The following DNAH17 variants were observed in gnomAD, a reference collection of about 807,000 sequenced individuals.
DNAH17 encodes dynein axonemal heavy chain 17.
A neutral mutation model predicts 485.6 loss-of-function variants in DNAH17; 376 were observed. That is an observed-to-expected ratio of 0.77 (90% confidence interval 0.71 to 0.84). The LOEUF (loss-of-function observed/expected upper bound fraction) is 0.84. DNAH17 is among the 40% of genes least tolerant of loss of function. The pLI, the probability that DNAH17 is intolerant of heterozygous loss-of-function variation, is 0.00. For missense variants in DNAH17, 6,370 were observed against 5,839.3 expected, an observed-to-expected ratio of 1.09 and a Z score of -2.96; for synonymous variants, 3,031 against 2,405.9, an observed-to-expected ratio of 1.26 and a Z score of -7.60.
intron 78 of DNAH17, 146 bp downstream of exon 78, chr17:78,426,780 C>A: frequency 7.8e-7 from 1 of 1,283,952 alleles, no homozygotes; most frequent in South Asian, 1.4e-5. Context: ...GCTCCCGGGG[C>A]TTGTTCTGGA....
intron 33 of DNAH17, chr17:78,502,293 A>G (rs2090324360): frequency 8.6e-6 from 3 of 350,710 alleles, no homozygotes; most frequent in South Asian, 4.7e-5. Context: ...TTTTGTTTCC[A>G]TATTTCTAAC....
chr17:78,450,879 C>G lies in DNAH17; in HGVS notation c.10735-33G>C, dbSNP rs374706225. 3.7e-6 allele frequency: 6 copies of G among 1,607,446 alleles called. No homozygotes were observed. The African/African-American group carries it at 8.0e-5, about 21-fold the overall frequency. ...GGGAGGTGCAGGAGTCACTGCATTGCCTGGCTCTGTCCACCGGGCACCCGG... is the reference window on the plus strand; with the variant it reads ...GGGAGGTGCAGGAGTCACTGCATTGGCTGGCTCTGTCCACCGGGCACCCGG... On this transcript the variant is annotated intron_variant, in intron 66 of 80. Transcript: ENST00000389840.
Position 78,470,683 on chromosome 17 carries a change from C to T in DNAH17, c.8512-1800G>A, listed in dbSNP as rs138538063. On this transcript the variant is annotated intron_variant, in intron 54 of 80. Transcript: ENST00000389840. ...CAGTCTGGGCAACAGAGTGAGACTC[C>T]GTCTCAAAGAAAAGAAATAAGTAAC... 8.4e-4 allele frequency among the ~76,000 whole-genome samples: 128 copies of T among 152,140 alleles called. 1 individual carries two copies. The East Asian group carries it at 0.021, about 25-fold the overall frequency.
chr17:78,494,265 A>G (rs1598579665), intron 40 of DNAH17, 92 bp from the exon 41 acceptor site: 1 of 1,508,926 alleles, frequency 6.6e-7, no homozygotes, highest in East Asian at 2.3e-5. Flanking sequence ...CCCGTGGGGG[A>G]GATGATAAAG....
intron 56 of DNAH17, among the ~76,000 whole-genome samples, chr17:78,464,658 C>G (rs1210495657): frequency 6.6e-6 from 1 of 152,250 alleles, no homozygotes; most frequent in Non-Finnish European, 1.5e-5. Context: ...CTTGTGTATA[C>G]TTATTCCAGC....
At position 78,502,951 on chromosome 17, in the gene DNAH17, G is replaced by C; in HGVS notation, c.5017C>G (p.Pro1673Ala). ...TCTTCGTAGGTCACCACGGCCTCTG[G>C]GATTTCGTGCCGGAGGGTAGAGCAC... ...RMCSTLRHEI[P>A]EAVVTYEEKP... The change falls in exon 32 of 81, where the codon CCA becomes GCA. Residue 1673 changes from proline (P) to alanine (A), a missense_variant. Coordinates refer to ENST00000389840, the MANE Select transcript of DNAH17 (RefSeq NM_173628.4). 1 of 1,613,926 alleles carries C rather than the reference G, an allele frequency of 6.2e-7. No individual in the cohort carries two copies. Among genetic ancestry groups the C allele is most frequent in the South Asian group, 1.1e-5 (1 of 91,066 alleles).
At chr17:78,574,688 CG>C (rs772530292) in intron 2 of DNAH17, 24 bp downstream of exon 2, 1 of 1,570,442 alleles carries the variant, frequency 6.4e-7, no homozygotes, top group Admixed American at 1.8e-5. Flanking sequence ...CTCGACACCC[CG>C]GATGGCAGCC....
chr17:78,432,010 G>GAACAA (rs960840786), intron 75 of DNAH17, among the ~76,000 whole-genome samples: 11 of 151,734 alleles, frequency 7.2e-5, no homozygotes, highest in African/African-American at 2.4e-4. Flanking sequence ...CGTCTTTACA[G>GAACAA]AACAAAACAA....
chr17:78,446,653 T>A (rs1303343690), intron 69 of DNAH17, among the ~76,000 whole-genome samples: 1 of 152,196 alleles, frequency 6.6e-6, no homozygotes, highest in Non-Finnish European at 1.5e-5. Context: ...TATTATTATT[T>A]ATTTTTTTGA....
Position 78,478,728 on chromosome 17 carries a change from TCAC to T in DNAH17, c.7992+294_7992+296del, listed in dbSNP as rs1213810963. 76 of 365,054 alleles carry T rather than the reference TCAC, an allele frequency of 2.1e-4. 1 individual carries two copies. The highest frequency in any genetic ancestry group is 1.4e-3 in the Middle Eastern group (2 of 1,416). The allele number at this position is 365,054 out of a possible 1,614,324, so 22.6% of individuals were successfully genotyped here. On this transcript the variant is annotated intron_variant, in intron 51 of 80. Coordinates refer to ENST00000389840, the MANE Select transcript of DNAH17 (RefSeq NM_173628.4). ...ACCATCACCACCACTATTGCCATCATCACCACCATCATCACCATCACCACCATC... is the reference window on the plus strand; with the variant it reads ...ACCATCACCACCACTATTGCCATCATCACCATCATCACCATCACCACCATC...
chr17:78,542,394 C>T (rs2091620095), intron 17 of DNAH17, among the ~76,000 whole-genome samples: 1 of 152,104 alleles, frequency 6.6e-6, no homozygotes, highest in Non-Finnish European at 1.5e-5. Flanking sequence ...GTGATCCACC[C>T]ACCTCGGCCT....
chr17:78,566,559 T>A (rs2092269538), intron 11 of DNAH17, 55 bp downstream of exon 11: 2 of 1,282,034 alleles, frequency 1.6e-6, no homozygotes, highest in East Asian at 4.9e-5. Context: ...TCGACATGAA[T>A]CCACCACCAC....
intron 16 of DNAH17, among the ~76,000 whole-genome samples, chr17:78,550,774 G>C (rs1323377139): frequency 6.6e-6 from 1 of 152,196 alleles, no homozygotes; most frequent in Non-Finnish European, 1.5e-5. Flanking sequence ...AGCAGTGAAA[G>C]AAAAGGACCG....
Position 78,501,288 on chromosome 17 carries a change from T to C in DNAH17, c.5379A>G (p.Glu1793=), listed in dbSNP as rs753345392. 5.0e-6 allele frequency: 8 copies of C among 1,607,696 alleles called. No homozygotes were observed. The highest frequency in any genetic ancestry group is 6.8e-6 in the Non-Finnish European group (8 of 1,174,728). ...TGTTGGCAAAGCAGTGTCGCTTCTC[T>C]TCGTCCCAGCGATGCCGGAGCTGGG... The part of the protein sequence containing the change: ...WQAQLRHRWD[E]EKRHCFANIC... Residue 1793 remains glutamate, a synonymous_variant, in exon 35 of 81, where the codon GAA becomes GAG. Coordinates refer to ENST00000389840, the MANE Select transcript of DNAH17 (RefSeq NM_173628.4).
intron 16 of DNAH17, among the ~76,000 whole-genome samples, chr17:78,544,375 T>C (rs2091693097): frequency 1.3e-5 from 2 of 152,156 alleles, no homozygotes; most frequent in Non-Finnish European, 2.9e-5. Flanking sequence ...GGATCGTCCA[T>C]AGCTGCAAAC....
chr17:78,437,238 G>A (rs1424099912), intron 74 of DNAH17, among the ~76,000 whole-genome samples: 2 of 152,126 alleles, frequency 1.3e-5, no homozygotes, highest in Admixed American at 1.3e-4. Context: ...TCCAGCAGTG[G>A]GGCTCTGTAC....
intron 39 of DNAH17, 65 bp downstream of exon 39, chr17:78,494,894 C>A (rs1198584717): frequency 7.0e-6 from 11 of 1,577,176 alleles, no homozygotes; most frequent in Non-Finnish European, 8.6e-6. Flanking sequence ...TGGAAGCCAA[C>A]CCTGGCTGCT....
rs746504552 is a variant in DNAH17, at chr17:78,453,484, A to G, written c.10407-19T>C. 1 of 1,613,464 alleles carries G rather than the reference A, an allele frequency of 6.2e-7. No individual in the cohort carries two copies. The highest frequency in any genetic ancestry group is 1.1e-5 in the South Asian group (1 of 91,078). ...CAGGTAGCTGCGGGCACAACACGGA[A>G]GCTGGTTCATGGCAGAGGGCCTCGT... On this transcript the variant is annotated intron_variant, in intron 64 of 80. Transcript: ENST00000389840.
Position 78,468,658 on chromosome 17 carries a change from A to C in DNAH17, c.8737T>G (p.Cys2913Gly), listed in dbSNP as rs371379239. 6 of 1,613,806 alleles carry C rather than the reference A, an allele frequency of 3.7e-6. No homozygotes were observed. In the African/African-American group the frequency reaches 5.3e-5, roughly 14 times the overall value. The change falls in exon 55 of 81, where the codon TGT (cysteine) becomes GGT (glycine). Residue 2913 changes from cysteine (C) to glycine (G), a missense_variant. Physicochemically the swap from Cys to Gly is radical, Grantham distance 159. Transcript: ENST00000389840. ...SLGMNDTRET[C>G]WKFFIEKVRR... ...ACTTTTTCGATGAAGAACTTCCAACATGTTTCCCGAGTGTCATTCATGCCA... is the reference window on the plus strand; with the variant it reads ...ACTTTTTCGATGAAGAACTTCCAACCTGTTTCCCGAGTGTCATTCATGCCA...
Sources: gnomAD v4.1 joint callset for allele counts (sites outside exome capture counted in the v4.1 genomes callset) on GRCh38, gnomAD v4.1.1 for gene constraint, MANE v1.5 for transcripts, NCBI Gene and HGNC (gene_info 2026-07-23, HGNC 2026-07-21) for gene names.